COL9A1: variants seen among roughly 807,000 people sequenced by gnomAD.
COL9A1 encodes the protein collagen alpha-1(IX) chain.
Under a neutral mutation model 142.6 loss-of-function variants are expected in COL9A1, and 104 were observed. That is an observed-to-expected ratio of 0.73 (90% confidence interval 0.62 to 0.86). The LOEUF is 0.86. Among genes scored for constraint, COL9A1 ranks in the 40% least tolerant of loss-of-function variants. COL9A1 has a pLI of 0.00. For missense variants in COL9A1, 1,210 were observed against 1,176.6 expected, an observed-to-expected ratio of 1.03 and a Z score of -0.42; for synonymous variants, 466 against 396.0, an observed-to-expected ratio of 1.18 and a Z score of -2.10.
Position 70,232,740 on chromosome 6 carries a change from C to G in COL9A1, c.2346G>C (p.Lys782Asn). The G allele has an allele frequency of 1.2e-6, 2 of 1,613,742 alleles. No individual in the cohort carries two copies. The highest frequency in any genetic ancestry group is 1.7e-6 in the Non-Finnish European group (2 of 1,179,924). ...EHFAEMAASL[K>N]RPDSGATGLP... The stretch of plus-strand genomic sequence containing the variant: ...GCCCAGTGGCACCTGAGTCTGGACG[C>G]TTAAGACTGGCAGCCATCTCAGCAA... Residue 782 changes from lysine (K) to asparagine (N), a missense_variant, in exon 36 of 38, where the codon AAG becomes AAC. Lys to Asn is a moderately conservative substitution (Grantham distance 94). Coordinates refer to ENST00000357250, the MANE Select transcript of COL9A1 (RefSeq NM_001851.6).
intron 36 of COL9A1, among the ~76,000 whole-genome samples, chr6:70,228,863 G>A (rs183040384): frequency 3.3e-4 from 50 of 152,100 alleles, no homozygotes; most frequent in African/African-American, 6.3e-4. Flanking sequence ...AGGAAGATAC[G>A]ACAATTAACA....
At chr6:70,292,691 A>G (rs890096344) in intron 5 of COL9A1, among the ~76,000 whole-genome samples, 6 of 152,182 alleles carry the variant, frequency 3.9e-5, no homozygotes, top group Non-Finnish European at 8.8e-5. Context: ...TGTTTAAAAT[A>G]CTTGACTGAT....
At chr6:70,290,958 G>A (rs1172053906) in intron 5 of COL9A1, among the ~76,000 whole-genome samples, 1 of 151,970 alleles carries the variant, frequency 6.6e-6, no homozygotes, top group African/African-American at 2.4e-5. Flanking sequence ...TCCAAATTGA[G>A]AGAAGGGTGA....
intron 9 of COL9A1, 36 bp from the exon 10 acceptor site, chr6:70,280,910 A>T: frequency 6.2e-7 from 1 of 1,612,688 alleles, no homozygotes; most frequent in Non-Finnish European, 8.5e-7. Context: ...GGCAGGAGAG[A>T]AAAAGGTGCA....
rs181046298 is a variant in COL9A1, at chr6:70,284,340, T to A, written c.697-520A>T. ...AAAGAAAATCTAGTCTTGGAAAAAATTTGCACACTGGAGAAGATATTCTCC... is the reference window on the plus strand; with the variant it reads ...AAAGAAAATCTAGTCTTGGAAAAAAATTGCACACTGGAGAAGATATTCTCC... On this transcript the variant is annotated intron_variant, in intron 5 of 37. Transcript: ENST00000357250. Among the ~76,000 whole-genome samples the A allele has an allele frequency of 2.6e-4, 40 of 151,728 alleles. No homozygotes were observed. In the East Asian group the frequency reaches 6.8e-3, roughly 26 times the overall value.
chr6:70,257,038 C>T (rs1247072988), intron 20 of COL9A1, among the ~76,000 whole-genome samples: 2 of 149,306 alleles, frequency 1.3e-5, no homozygotes, highest in African/African-American at 4.9e-5. Flanking sequence ...ATCTTTGATG[C>T]CACTCTGTAA....
intron 32 of COL9A1, among the ~76,000 whole-genome samples, chr6:70,240,474 T>G (rs1266233089): frequency 6.6e-6 from 1 of 152,010 alleles, no homozygotes; most frequent in Non-Finnish European, 1.5e-5. Context: ...CCTCTCTGCT[T>G]TACTTGATCT....
chr6:70,224,959 G>A (rs1021206865), intron 37 of COL9A1, among the ~76,000 whole-genome samples: 2 of 152,198 alleles, frequency 1.3e-5, no homozygotes, highest in African/African-American at 4.8e-5. Context: ...TAATTGGAAA[G>A]CAATGATGTT....
At chr6:70,256,260 T>C (rs540581681) in intron 21 of COL9A1, among the ~76,000 whole-genome samples, 1 of 152,326 alleles carries the variant, frequency 6.6e-6, no homozygotes, top group Non-Finnish European at 1.5e-5. Context: ...ACTTTGACAG[T>C]TGGAAATTCT....
At chr6:70,274,620 G>A in intron 11 of COL9A1, 99 bp downstream of exon 11, 1 of 967,666 alleles carries the variant, frequency 1.0e-6, no homozygotes, top group Admixed American at 1.8e-5. Context: ...GTGCATTTTA[G>A]ATACTTCATA....
At chr6:70,285,500 A>T (rs958027166) in intron 5 of COL9A1, among the ~76,000 whole-genome samples, 1 of 152,216 alleles carries the variant, frequency 6.6e-6, no homozygotes, top group Non-Finnish European at 1.5e-5. Flanking sequence ...TTCTCTTTGA[A>T]TACTCACTGA....
intron 8 of COL9A1, among the ~76,000 whole-genome samples, 162 bp downstream of exon 8, chr6:70,281,227 AC>A (rs1237794549): frequency 6.7e-6 from 1 of 149,492 alleles, no homozygotes; most frequent in Non-Finnish European, 1.5e-5. Flanking sequence ...CTAGGATCCT[AC>A]CCCCAACTCT....
chr6:70,300,093 C>T lies in COL9A1; in HGVS notation c.249G>A (p.Leu83=), dbSNP rs1774003252. ...TATTTCCCAACTTGTAAGCCACCTG[C>T]AATGTAGCTGATCCCACTACTCTCT... The part of the protein sequence containing the change: ...AIQRVVGSAT[L]QVAYKLGNNV... Residue 83 remains leucine, a synonymous_variant, in exon 4 of 38, where the codon TTG becomes TTA. Transcript: ENST00000357250. 2 of 1,613,848 alleles carry T rather than the reference C, an allele frequency of 1.2e-6. No individual in the cohort carries two copies. Among genetic ancestry groups the T allele is most frequent in the East Asian group, 2.2e-5 (1 of 44,856 alleles).
intron 33 of COL9A1, among the ~76,000 whole-genome samples, chr6:70,237,995 G>A (rs760153606): frequency 2.0e-5 from 3 of 152,194 alleles, no homozygotes; most frequent in Non-Finnish European, 4.4e-5. Context: ...AAAAGAAACT[G>A]CAAATGGATG....
intron 11 of COL9A1, among the ~76,000 whole-genome samples, 196 bp from the exon 12 acceptor site, chr6:70,274,278 G>A (rs957695308): frequency 2.6e-5 from 4 of 151,794 alleles, no homozygotes; most frequent in African/African-American, 7.3e-5. Flanking sequence ...ATGTTCCATG[G>A]TAGTTTGCTG....
chr6:70,222,660 C>A (rs906226085), intron 37 of COL9A1: 1 of 152,028 alleles, frequency 6.6e-6, no homozygotes, highest in Non-Finnish European at 1.5e-5. Flanking sequence ...GGAACTCTAA[C>A]AACCGATAGA....
chr6:70,231,083 C>A (rs1769509497), intron 36 of COL9A1, among the ~76,000 whole-genome samples: 1 of 152,192 alleles, frequency 6.6e-6, no homozygotes, highest in South Asian at 2.1e-4. Flanking sequence ...AACTAGACAG[C>A]TAGACCTCGA....
chr6:70,296,145 T>C (rs1351634296), intron 4 of COL9A1, among the ~76,000 whole-genome samples: 2 of 152,198 alleles, frequency 1.3e-5, no homozygotes, highest in African/African-American at 4.8e-5. Context: ...CTCAATAAAA[T>C]AAGTCAACTA....
intron 14 of COL9A1, 110 bp downstream of exon 14, chr6:70,271,545 G>T: frequency 2.4e-6 from 2 of 836,738 alleles, no homozygotes; most frequent in East Asian, 2.6e-5. Context: ...AAATTCATCT[G>T]CCATGTTTTG....
Sources: gnomAD v4.1 joint callset for allele counts (sites outside exome capture counted in the v4.1 genomes callset) on GRCh38, gnomAD v4.1.1 for gene constraint, MANE v1.5 for transcripts, NCBI Gene and HGNC (gene_info 2026-07-23, HGNC 2026-07-21) for gene names.